The following PEBP4 variants were observed in gnomAD, a reference collection of about 807,000 sequenced individuals.
PEBP4 encodes the protein phosphatidylethanolamine-binding protein 4.
PEBP4 carries 22 observed loss-of-function variants against 23.9 expected under a neutral mutation model. The observed-to-expected ratio is 0.92, with a 90% confidence interval of 0.66 to 1.31. The LOEUF is 1.31. Among genes scored for constraint, PEBP4 ranks in the 40% most tolerant of loss-of-function variants. The pLI is 0.00. For missense variants in PEBP4, 324 were observed against 281.7 expected (o/e 1.15, Z -1.07); for synonymous variants, 112 against 99.3 (o/e 1.13, Z -0.76).
At chr8:22,859,429 C>T (rs565493016) in intron 3 of PEBP4, among the ~76,000 whole-genome samples, 3 of 152,238 alleles carry the variant, frequency 2.0e-5, no homozygotes, top group African/African-American at 7.2e-5. Flanking sequence ...GGGGATCAGT[C>T]CAAAACAAAG....
chr8:22,827,456 G>A (rs1465695971), intron 3 of PEBP4, among the ~76,000 whole-genome samples: 1 of 151,758 alleles, frequency 6.6e-6, no homozygotes, highest in Non-Finnish European at 1.5e-5. Context: ...TCTCCTTTTT[G>A]CCCTTCCTGG....
intron 3 of PEBP4, among the ~76,000 whole-genome samples, chr8:22,826,776 G>C (rs1585294290): frequency 1.3e-5 from 2 of 152,216 alleles, no homozygotes; most frequent in East Asian, 3.8e-4. Context: ...GAGGCTGTGG[G>C]TGGTGGTATT....
chr8:22,806,677 G>A (rs1806500974), intron 4 of PEBP4, among the ~76,000 whole-genome samples: 1 of 150,990 alleles, frequency 6.6e-6, no homozygotes, highest in Admixed American at 6.6e-5. Context: ...CTTGCAGCAT[G>A]TCACCAGGGA....
intron 3 of PEBP4, among the ~76,000 whole-genome samples, chr8:22,829,091 G>C (rs944375703): frequency 6.6e-6 from 1 of 152,162 alleles, no homozygotes; most frequent in Non-Finnish European, 1.5e-5. Flanking sequence ...GCACAGCAGC[G>C]ATTTTCTTCA....
intron 3 of PEBP4, among the ~76,000 whole-genome samples, chr8:22,828,037 A>G (rs149129233): frequency 6.6e-6 from 1 of 152,154 alleles, no homozygotes; most frequent in Non-Finnish European, 1.5e-5. Context: ...TGTCTATGTC[A>G]ATTTCTTGCC....
At chr8:22,733,042 T>G (rs7009271) in intron 4 of PEBP4, among the ~76,000 whole-genome samples, 7,948 of 152,224 alleles carry the variant, frequency 0.052, 683 homozygotes, top group African/African-American at 0.18. Flanking sequence ...CAGGGGTCTA[T>G]CCCCACCGCT....
chr8:22,782,022 G>C (rs1805928121), intron 4 of PEBP4, among the ~76,000 whole-genome samples: 1 of 152,182 alleles, frequency 6.6e-6, no homozygotes, highest in Non-Finnish European at 1.5e-5. Flanking sequence ...GAGAGGATCT[G>C]GGATTCCGTC....
At chr8:22,713,842 T>C (rs1804358694) in intron 6 of PEBP4, among the ~76,000 whole-genome samples, 1 of 152,094 alleles carries the variant, frequency 6.6e-6, no homozygotes, top group African/African-American at 2.4e-5. Flanking sequence ...AACTGCCTTC[T>C]CGCTCCCGCT....
intron 2 of PEBP4, chr8:22,924,740 C>T: frequency 1.0e-6 from 1 of 985,346 alleles, no homozygotes; most frequent in Non-Finnish European, 1.2e-6. Context: ...GGATTCACCT[C>T]CTGGCTGCAG....
In PEBP4 at chr8:22,765,109, C is replaced by A. The variant is rs1218606954; in HGVS notation, c.358-37889G>T. On this transcript the variant is annotated intron_variant, in intron 4 of 6. Transcript: ENST00000256404. ...CCTCAGTTTCTTTCCTTCTTCCTTC[C>A]TTTATTTCTTCCTTCCTTCCTTCCT... Among the ~76,000 whole-genome samples the A allele has an allele frequency of 2.8e-5, 4 of 145,152 alleles. No homozygotes were observed. In the South Asian group the frequency reaches 6.7e-4, roughly 24 times the overall value.
At position 22,782,760 on chromosome 8, in the gene PEBP4, GACCGTTTTATCA is replaced by G. The variant is rs368936940; in HGVS notation, c.357+34865_357+34876del. On this transcript the variant is annotated intron_variant, in intron 4 of 6. Coordinates refer to ENST00000256404, the MANE Select transcript of PEBP4 (RefSeq NM_144962.3). ...ATCTCTGATCCTCCAGGAGGTTAAG[GACCGTTTTATCA>G]GCAGCTGGCCCAGGTTTGGAGGCAG... Among the ~76,000 whole-genome samples the G allele has an allele frequency of 7.2e-5, 11 of 152,322 alleles. 1 individual carries two copies. Among genetic ancestry groups the G allele is most frequent in the African/African-American group, 2.4e-4 (10 of 41,556 alleles).
intron 4 of PEBP4, among the ~76,000 whole-genome samples, chr8:22,811,992 A>C (rs1806639641): frequency 6.6e-6 from 1 of 152,256 alleles, no homozygotes; most frequent in African/African-American, 2.4e-5. Flanking sequence ...CTGTGTCAGA[A>C]GACTTAATCT....
intron 4 of PEBP4, among the ~76,000 whole-genome samples, chr8:22,789,043 T>C (rs754155562): frequency 2.0e-5 from 3 of 152,240 alleles, no homozygotes; most frequent in Non-Finnish European, 4.4e-5. Context: ...CAGGCTACAT[T>C]GCAGAATGTA....
intron 2 of PEBP4, 47 bp from the exon 3 acceptor site, chr8:22,920,357 G>A: frequency 6.3e-7 from 1 of 1,582,280 alleles, no homozygotes; most frequent in Non-Finnish European, 8.7e-7. Flanking sequence ...TTTTAAGGGA[G>A]CCTGGGGTTC....
intron 4 of PEBP4, among the ~76,000 whole-genome samples, chr8:22,811,821 A>G (rs1806635446): frequency 6.6e-6 from 1 of 152,240 alleles, no homozygotes; most frequent in Non-Finnish European, 1.5e-5. Context: ...TTCAAAGGGC[A>G]AAAGGATGAG....
upstream of PEBP4, among the ~76,000 whole-genome samples, chr8:22,929,280 C>T (rs1424825293): frequency 1.3e-5 from 2 of 152,324 alleles, no homozygotes; most frequent in African/African-American, 4.8e-5. Flanking sequence ...ATGTTGGGCC[C>T]TGGGGTATAG....
intron 6 of PEBP4, among the ~76,000 whole-genome samples, chr8:22,722,899 A>G (rs1326757865): frequency 1.3e-5 from 2 of 150,606 alleles, no homozygotes; most frequent in East Asian, 3.9e-4. Context: ...CAGCCTCCGG[A>G]GTAGCTGGGA....
intron 4 of PEBP4, among the ~76,000 whole-genome samples, chr8:22,809,645 A>G (rs1192561783): frequency 2.6e-5 from 4 of 152,152 alleles, no homozygotes; most frequent in Non-Finnish European, 5.9e-5. Flanking sequence ...TCTGTCTTTT[A>G]TGAGGACTGC....
intron 3 of PEBP4, chr8:22,887,197 G>T (rs1808400233): frequency 6.6e-6 from 1 of 151,762 alleles, no homozygotes; most frequent in East Asian, 2.0e-4. Context: ...TGCTCAGGTG[G>T]AAGTGCAATG....
Sources: gnomAD v4.1 joint callset for allele counts (sites outside exome capture counted in the v4.1 genomes callset) on GRCh38, gnomAD v4.1.1 for gene constraint, MANE v1.5 for transcripts, NCBI Gene and HGNC (gene_info 2026-07-23, HGNC 2026-07-21) for gene names.